ADGRL2: variants seen among roughly 807,000 people sequenced by gnomAD.
ADGRL2 encodes the protein calcium-independent alpha-latrotoxin receptor 2.
A neutral mutation model predicts 157.4 loss-of-function variants in ADGRL2; 44 were observed. The ratio of observed to expected loss-of-function variants is 0.28; its 90% CI spans 0.22 to 0.36. The LOEUF (loss-of-function observed/expected upper bound fraction) is 0.36. ADGRL2 is among the 10% of genes least tolerant of loss of function. The pLI, the probability that ADGRL2 is intolerant of heterozygous loss-of-function variation, is 1.00. For missense variants in ADGRL2, 1,510 were observed against 1,768.9 expected (o/e 0.85, Z 2.63); for synonymous variants, 585 against 624.7 (o/e 0.94, Z 0.95).
At chr1:81,365,708 T>C (rs1000832634) in intron 1 of ADGRL2, among the ~76,000 whole-genome samples, 1 of 152,186 alleles carries the variant, frequency 6.6e-6, no homozygotes, top group African/African-American at 2.4e-5. Flanking sequence ...ATGGAAACTA[T>C]ATTTTACTGC....
intron 3 of ADGRL2, among the ~76,000 whole-genome samples, chr1:81,663,822 A>G (rs1027388150): frequency 2.6e-5 from 4 of 152,204 alleles, no homozygotes; most frequent in Non-Finnish European, 2.9e-5. Flanking sequence ...TATGACCTTT[A>G]AGAATTGGCT....
At chr1:81,533,323 G>A (rs890929369) in intron 2 of ADGRL2, among the ~76,000 whole-genome samples, 2 of 152,168 alleles carry the variant, frequency 1.3e-5, no homozygotes, top group Non-Finnish European at 2.9e-5. Context: ...AGGTTGCGGT[G>A]AGCCAAGATT....
intron 1 of ADGRL2, among the ~76,000 whole-genome samples, chr1:81,352,103 G>T (rs1662939398): frequency 3.3e-5 from 5 of 152,252 alleles, no homozygotes; most frequent in Admixed American, 3.3e-4. Flanking sequence ...ATCTGCACTA[G>T]GTGCACACAC....
chr1:81,642,350 G>A (rs941306976), intron 3 of ADGRL2, among the ~76,000 whole-genome samples: 2 of 150,998 alleles, frequency 1.3e-5, no homozygotes, highest in Non-Finnish European at 2.9e-5. Flanking sequence ...AACCCAGGAG[G>A]CAGAGGTTGC....
At chr1:81,688,504 A>T (rs2083274197) in intron 3 of ADGRL2, among the ~76,000 whole-genome samples, 2 of 152,072 alleles carry the variant, frequency 1.3e-5, no homozygotes, top group African/African-American at 4.8e-5. Context: ...AAAAGTGTCC[A>T]TAGTTTCCTG....
chr1:81,918,157 G>T (rs1352754750), intron 3 of ADGRL2, among the ~76,000 whole-genome samples: 2 of 152,112 alleles, frequency 1.3e-5, no homozygotes, highest in African/African-American at 4.8e-5. Flanking sequence ...GTAGACACTT[G>T]TATACAGTTT....
intron 2 of ADGRL2, among the ~76,000 whole-genome samples, chr1:81,496,271 A>G (rs2078727249): frequency 6.6e-6 from 1 of 152,224 alleles, no homozygotes; most frequent in South Asian, 2.1e-4. Flanking sequence ...ACTTTTTCTT[A>G]CACTGGCATT....
chr1:81,958,916 T>G (rs1219180602), intron 11 of ADGRL2, among the ~76,000 whole-genome samples: 1 of 152,236 alleles, frequency 6.6e-6, no homozygotes, highest in Non-Finnish European at 1.5e-5. Flanking sequence ...ATCTTGCTGC[T>G]TTTATGCAGA....
rs148486719 is a variant in ADGRL2 at position 81,536,208 on chromosome 1, T to G, written c.-247-44668T>G. On this transcript the variant is annotated intron_variant, in intron 2 of 24. Transcript: ENST00000370721. ...TTGTTTCTGAATAATATGTGCAGTA[T>G]ATATTTGAGTAAAATTTTCTCTAAA... Among the ~76,000 whole-genome samples the G allele has an allele frequency of 2.6e-3, 390 of 152,342 alleles. 2 individuals carry two copies. Among genetic ancestry groups the G allele is most frequent in the Non-Finnish European group, 4.3e-3 (293 of 68,026 alleles).
chr1:81,527,913 A>G (rs1403169620), intron 2 of ADGRL2, among the ~76,000 whole-genome samples: 1 of 151,492 alleles, frequency 6.6e-6, no homozygotes, highest in African/African-American at 2.4e-5. Flanking sequence ...TAAAAATACC[A>G]ACAATTAGCC....
intron 3 of ADGRL2, among the ~76,000 whole-genome samples, chr1:81,653,378 C>A (rs2082463269): frequency 6.7e-6 from 1 of 149,058 alleles, no homozygotes; most frequent in Admixed American, 6.8e-5. Flanking sequence ...ACATAGAGAC[C>A]TTTGTGCATA....
At chr1:81,645,723 A>G (rs2082302448) in intron 3 of ADGRL2, among the ~76,000 whole-genome samples, 1 of 152,180 alleles carries the variant, frequency 6.6e-6, no homozygotes, top group African/African-American at 2.4e-5. Flanking sequence ...GTGTCATGAT[A>G]TGAATGTACC....
intron 1 of ADGRL2, among the ~76,000 whole-genome samples, chr1:81,753,204 A>G (rs1362242456): frequency 1.3e-5 from 2 of 152,208 alleles, no homozygotes; most frequent in Non-Finnish European, 2.9e-5. Flanking sequence ...TTGGACTCAC[A>G]GTTCCACGTG....
intron 2 of ADGRL2, among the ~76,000 whole-genome samples, chr1:81,769,217 T>C (rs1340611176): frequency 6.6e-6 from 1 of 152,226 alleles, no homozygotes; most frequent in East Asian, 1.9e-4. Flanking sequence ...GGTGCCCTTT[T>C]ATGAACAGAG....
chr1:81,370,299 A>G (rs1252727511), intron 1 of ADGRL2, among the ~76,000 whole-genome samples: 1 of 152,208 alleles, frequency 6.6e-6, no homozygotes, highest in African/African-American at 2.4e-5. Context: ...AAGAAAAGAT[A>G]TAAAACTTTA....
intron 1 of ADGRL2, among the ~76,000 whole-genome samples, chr1:81,365,460 C>T (rs2076048842): frequency 6.6e-6 from 1 of 152,094 alleles, no homozygotes. Context: ...AAACAGAGGT[C>T]TTATATGCCA....
intron 1 of ADGRL2, among the ~76,000 whole-genome samples, chr1:81,757,032 T>C (rs2085716451): frequency 6.6e-6 from 1 of 152,130 alleles, no homozygotes; most frequent in Non-Finnish European, 1.5e-5. Context: ...CAGGGTGCCA[T>C]GGAAGTTTCT....
chr1:81,710,624 A>AT (rs201076836), intron 1 of ADGRL2, among the ~76,000 whole-genome samples: 26 of 100,272 alleles, frequency 2.6e-4, no homozygotes, highest in East Asian at 1.7e-3. Flanking sequence ...TGCTCAAAAA[A>AT]TTAAAAAAAA....
intron 2 of ADGRL2, among the ~76,000 whole-genome samples, chr1:81,871,094 C>A (rs1356450410): frequency 3.4e-5 from 4 of 116,532 alleles, no homozygotes; most frequent in Non-Finnish European, 6.8e-5. Context: ...CCTCCCCCCA[C>A]CCCCAACAGG....
Sources: allele counts gnomAD v4.1 joint callset (sites outside exome capture counted in the v4.1 genomes callset), GRCh38; gene constraint gnomAD v4.1.1; transcripts MANE v1.5; gene names NCBI Gene and HGNC (gene_info 2026-07-23, HGNC 2026-07-21).